Variants in PRPF6 observed in about 807,000 individuals in gnomAD.
PRPF6 encodes the protein pre-mRNA-processing factor 6.
A neutral mutation model predicts 118.3 loss-of-function variants in PRPF6; 42 were observed. That is an observed-to-expected ratio of 0.35 (90% CI 0.28 to 0.46). The LOEUF (loss-of-function observed/expected upper bound fraction) is 0.46. Ranked by LOEUF, PRPF6 falls within the 20% of genes least tolerant of loss-of-function variation. The pLI, the probability that PRPF6 is intolerant of heterozygous loss-of-function variation, is 1.00. For missense variants in PRPF6, 662 were observed against 1,255.7 expected (o/e 0.53, Z 7.15); for synonymous variants, 481 against 485.1 (o/e 0.99, Z 0.11).
At chr20:64,001,323 G>GGTGAGA in intron 9 of PRPF6, 84 bp downstream of exon 9, 1 of 1,501,816 alleles carries the variant, frequency 6.7e-7, no homozygotes, top group Non-Finnish European at 9.2e-7. Flanking sequence ...TCAGGCTTTT[G>GGTGAGA]GTGAGAGTGG....
At chr20:64,021,085 C>A (rs1317252184) in intron 12 of PRPF6, among the ~76,000 whole-genome samples, 1 of 152,250 alleles carries the variant, frequency 6.6e-6, no homozygotes, top group Non-Finnish European at 1.5e-5. Flanking sequence ...CCGCTGTAGC[C>A]ACTATACCTG....
intron 14 of PRPF6, among the ~76,000 whole-genome samples, chr20:64,025,343 G>A (rs940424634): frequency 6.6e-6 from 1 of 152,132 alleles, no homozygotes; most frequent in African/African-American, 2.4e-5. Flanking sequence ...CGCTCTCTTG[G>A]GCGGCTGTGC....
chr20:64,029,006 A>G lies in PRPF6; in HGVS notation c.2432-371A>G, dbSNP rs186378805. ...AACATGGTGAAACCCCGTCTCTACT[A>G]AAATACAAAAATGAGCTGGGCATGG... On this transcript the variant is annotated intron_variant, in intron 18 of 20. Coordinates refer to ENST00000266079, the MANE Select transcript of PRPF6 (RefSeq NM_012469.4). The surrounding 1 kb of genome is among the most constrained non-coding windows in gnomAD (Gnocchi z 4.8). Among the ~76,000 whole-genome samples, 513 of 152,202 alleles carry G rather than the reference A, an allele frequency of 3.4e-3. 4 individuals are homozygous for G. Among genetic ancestry groups the G allele is most frequent in the African/African-American group, 0.011 (477 of 41,536 alleles).
In PRPF6 at chr20:64,028,679, A is replaced by G. The variant is rs1224800262; in HGVS notation, c.2431+110A>G. 8.3e-7 allele frequency: 1 copy of G among 1,212,076 alleles called. No individual in the cohort carries two copies. The highest frequency in any genetic ancestry group is 1.5e-5 in the African/African-American group (1 of 66,720). 75.1% of individuals were successfully genotyped at this position (1,212,076 alleles called of 1,614,324 possible). A position where few individuals can be genotyped will look rare whatever the true frequency, so the allele number is the denominator to read the frequency against. On this transcript the variant is annotated intron_variant, in intron 18 of 20. Coordinates refer to ENST00000266079, the MANE Select transcript of PRPF6 (RefSeq NM_012469.4). The surrounding 1 kb of genome is among the most constrained non-coding windows in gnomAD (Gnocchi z 6.5). Reference sequence around the variant, plus strand: ...GCTTCCCAGACTCCGCAGGGCTGGCACTTCCTGAGGGAGTGGGGGCTCAGG... The same window carrying G: ...GCTTCCCAGACTCCGCAGGGCTGGCGCTTCCTGAGGGAGTGGGGGCTCAGG...
chr20:63,988,617 C>G (rs2059105319), intron 3 of PRPF6, among the ~76,000 whole-genome samples: 1 of 152,080 alleles, frequency 6.6e-6, no homozygotes, highest in African/African-American at 2.4e-5. Context: ...GTGGCTCATG[C>G]CTGTAATCCC....
chr20:64,033,020 G>A lies in PRPF6; in HGVS notation c.*27G>A, dbSNP rs373166087. The A allele has an allele frequency of 4.7e-5, 76 of 1,612,492 alleles. No homozygotes were observed. Among genetic ancestry groups the A allele is most frequent in the Middle Eastern group, 1.6e-4 (1 of 6,082 alleles). On this transcript the variant is annotated 3_prime_UTR_variant, in exon 21 of 21. Coordinates refer to ENST00000266079, the MANE Select transcript of PRPF6 (RefSeq NM_012469.4). ...TGAGCGGTTGCCATGGCCGGTCTCCGTGGGGCAGGGTTGGGCCGCATGTGG... is the reference window on the plus strand; with the variant it reads ...TGAGCGGTTGCCATGGCCGGTCTCCATGGGGCAGGGTTGGGCCGCATGTGG...
rs1262405713 is a variant in PRPF6 at position 64,026,132 on chromosome 20, G to A, written c.2028+74G>A. On this transcript the variant is annotated intron_variant, in intron 15 of 20. Transcript: ENST00000266079. The surrounding 1 kb of genome is among the most constrained non-coding windows in gnomAD (Gnocchi z 4.4). ...CATGCGGGCCCCACGCCTGGCTTGG[G>A]TGGTGATGGGAGTGAGATGACGGCA... The A allele has an allele frequency of 1.9e-6, 3 of 1,589,150 alleles. No homozygotes were observed. Among genetic ancestry groups the A allele is most frequent in the African/African-American group, 1.3e-5 (1 of 74,670 alleles).
At chr20:63,993,266 A>T in intron 3 of PRPF6, 141 bp from the exon 4 acceptor site, 2 of 301,666 alleles carry the variant, frequency 6.6e-6, no homozygotes, top group Non-Finnish European at 1.2e-5. Flanking sequence ...GTGTGTGTAT[A>T]TGTATATATA....
Position 64,013,495 on chromosome 20 carries a change from G to A in PRPF6, c.1524+1992G>A, listed in dbSNP as rs543634616. 5.3e-5 allele frequency among the ~76,000 whole-genome samples: 8 copies of A among 151,844 alleles called. No individual in the cohort carries two copies. The South Asian group carries it at 1.7e-3, about 32-fold the overall frequency. On this transcript the variant is annotated intron_variant, in intron 11 of 20. Transcript: ENST00000266079. ...AGGGTCTCGCCGTGTTGCTCAGGCC[G>A]GAGTGCAGTGGTGCAGTCATGGCTC...
chr20:64,024,551 G>T lies in PRPF6; in HGVS notation c.1770-4G>T, dbSNP rs1373325454. The T allele has an allele frequency of 5.0e-6, 8 of 1,613,238 alleles. No homozygotes were observed. The Admixed American group carries it at 6.7e-5, about 13-fold the overall frequency. On this transcript the variant is annotated splice_polypyrimidine_tract_variant and splice_region_variant and intron_variant, in intron 13 of 20. Coordinates refer to ENST00000266079, the MANE Select transcript of PRPF6 (RefSeq NM_012469.4). ...TCTGGTGACCGTGGCCTCTTATCTT[G>T]CAGGGAGTCCCTGGAAGCACTCCTG...
At chr20:63,991,654 G>T (rs1431978275) in intron 3 of PRPF6, among the ~76,000 whole-genome samples, 1 of 152,056 alleles carries the variant, frequency 6.6e-6, no homozygotes. Flanking sequence ...GCTGGGTGTG[G>T]TGGTGCATGC....
chr20:63,985,080 G>C, intron 3 of PRPF6, 55 bp downstream of exon 3: 1 of 1,467,812 alleles, frequency 6.8e-7, no homozygotes, highest in Non-Finnish European at 9.4e-7. Context: ...AAAAAGTTTT[G>C]TGGCCAGGCG....
chr20:63,984,104 C>T (rs2122971183), intron 2 of PRPF6, among the ~76,000 whole-genome samples: 1 of 152,240 alleles, frequency 6.6e-6, no homozygotes, highest in East Asian at 1.9e-4. Flanking sequence ...CATTTTTCCT[C>T]TGAGGAAAAT....
intron 19 of PRPF6, among the ~76,000 whole-genome samples, chr20:64,031,592 G>C (rs1353314712): frequency 6.7e-6 from 1 of 149,282 alleles, no homozygotes; most frequent in African/African-American, 2.5e-5. Flanking sequence ...AGAATCGCTT[G>C]AACCTGGGAG....
Position 64,026,102 on chromosome 20 carries a change from G to T in PRPF6, c.2028+44G>T. The T allele has an allele frequency of 6.3e-7, 1 of 1,596,808 alleles. No individual in the cohort carries two copies. The highest frequency in any genetic ancestry group is 8.5e-7 in the Non-Finnish European group (1 of 1,179,120). ...GGCTGGGCCGTCTGGGGTGCATGGT[G>T]TGCACATGCGGGCCCCACGCCTGGC... On this transcript the variant is annotated intron_variant, in intron 15 of 20. Transcript: ENST00000266079. This position sits in a 1 kb window ranked among gnomAD's most constrained non-coding sequence, Gnocchi z 4.4.
chr20:63,987,458 CA>C (rs1293482979), intron 3 of PRPF6, among the ~76,000 whole-genome samples: 1 of 150,408 alleles, frequency 6.6e-6, no homozygotes, highest in Non-Finnish European at 1.5e-5. Context: ...CTGGGCAACA[CA>C]ATGAGACTGT....
Position 64,022,762 on chromosome 20 carries a change from A to G in PRPF6, c.1653A>G (p.Val551=). The G allele has an allele frequency of 6.2e-7, 1 of 1,614,094 alleles. No homozygotes were observed. Among genetic ancestry groups the G allele is most frequent in the Non-Finnish European group, 8.5e-7 (1 of 1,180,012 alleles). ...CATGTCTCTCTCTGCTCTAGTGTGT[A>G]GCCCACAATGCCCTGGAGTGTGCAC... The part of the protein sequence containing the change: ...HTWMEDADSC[V]AHNALECARA... Residue 551 remains valine, a synonymous_variant, in exon 13 of 21, where the codon GTA becomes GTG. Coordinates refer to ENST00000266079, the MANE Select transcript of PRPF6 (RefSeq NM_012469.4).
Position 64,011,225 on chromosome 20 carries a change from G to A in PRPF6, c.1306-60G>A. ...ACGCTGGAGGGTGGGTCGCTGTCTGGCCTGCAGCTGTCCCCCCAGCACAGT... is the reference window on the plus strand; with the variant it reads ...ACGCTGGAGGGTGGGTCGCTGTCTGACCTGCAGCTGTCCCCCCAGCACAGT... On this transcript the variant is annotated intron_variant, in intron 10 of 20. Coordinates refer to ENST00000266079, the MANE Select transcript of PRPF6 (RefSeq NM_012469.4). This position sits in a 1 kb window ranked among gnomAD's most constrained non-coding sequence, Gnocchi z 6.7. 3.9e-6 allele frequency: 6 copies of A among 1,539,286 alleles called. No individual in the cohort carries two copies. Among genetic ancestry groups the A allele is most frequent in the Non-Finnish European group, 3.6e-6 (4 of 1,117,212 alleles).
rs2059289634 is a variant in PRPF6 at position 64,026,182 on chromosome 20, A to G, written c.2028+124A>G. ...AGGCAAACGAGACCACAGCACACTCATCTTTGTGATGTGACTAAAACATTC... is the reference window on the plus strand; with the variant it reads ...AGGCAAACGAGACCACAGCACACTCGTCTTTGTGATGTGACTAAAACATTC... On this transcript the variant is annotated intron_variant, in intron 15 of 20. Coordinates refer to ENST00000266079, the MANE Select transcript of PRPF6 (RefSeq NM_012469.4). This position sits in a 1 kb window ranked among gnomAD's most constrained non-coding sequence, Gnocchi z 4.4. 1.3e-6 allele frequency: 2 copies of G among 1,499,038 alleles called. No individual in the cohort carries two copies. Among genetic ancestry groups the G allele is most frequent in the East Asian group, 2.4e-5 (1 of 41,448 alleles). 92.9% of individuals were successfully genotyped at this position (1,499,038 alleles called of 1,614,324 possible). A position where few individuals can be genotyped will look rare whatever the true frequency, so the allele number is the denominator to read the frequency against.
Sources: gnomAD v4.1 joint callset for allele counts (sites outside exome capture counted in the v4.1 genomes callset) on GRCh38, gnomAD v4.1.1 for gene constraint, Gnocchi (gnomAD v3.1) non-coding constraint, MANE v1.5 for transcripts, NCBI Gene and HGNC (gene_info 2026-07-23, HGNC 2026-07-21) for gene names.